The following SIPA1L3 variants were observed in gnomAD, a reference collection of about 807,000 sequenced individuals.
The protein encoded by SIPA1L3 is signal induced proliferation associated 1 like 3, also known as signal-induced proliferation-associated 1-like protein 3.
In SIPA1L3, 59 loss-of-function variants were observed where a neutral mutation model predicts 150.1. The observed-to-expected ratio is 0.39, with a 90% CI of 0.32 to 0.49. SIPA1L3 has a LOEUF of 0.49. Among genes scored for constraint, SIPA1L3 ranks in the 20% least tolerant of loss-of-function variants. SIPA1L3 has a pLI of 0.86. For synonymous variants in SIPA1L3, 1,070 were observed against 1,077.6 expected, an observed-to-expected ratio of 0.99 and a Z score of 0.14; for missense variants, 2,211 against 2,489.5, an observed-to-expected ratio of 0.89 and a Z score of 2.38.
At chr19:37,930,346 C>T (rs923392189) in intron 1 of SIPA1L3, among the ~76,000 whole-genome samples, 2 of 150,436 alleles carry the variant, frequency 1.3e-5, no homozygotes, top group Non-Finnish European at 3.0e-5. Context: ...TTCATAGAGA[C>T]GAGGTCTCAC....
intron 5 of SIPA1L3, among the ~76,000 whole-genome samples, chr19:38,100,622 G>A (rs539830159): frequency 1.5e-4 from 23 of 152,190 alleles, no homozygotes; most frequent in Non-Finnish European, 2.9e-4. Flanking sequence ...AGGGGGATCC[G>A]GGATACCTAA....
chr19:38,179,240 G>A (rs975984284), intron 15 of SIPA1L3, among the ~76,000 whole-genome samples: 4 of 152,170 alleles, frequency 2.6e-5, no homozygotes, highest in South Asian at 2.1e-4. Flanking sequence ...TCAGGAGTTC[G>A]AGACCAGCCT....
intron 1 of SIPA1L3, among the ~76,000 whole-genome samples, chr19:38,004,064 C>T (rs1967877300): frequency 6.6e-6 from 1 of 152,328 alleles, no homozygotes. Context: ...GACTTTTCAG[C>T]TACCCTTCAG....
Position 38,164,831 on chromosome 19 carries a change from C to A in SIPA1L3, c.4133C>A (p.Pro1378Gln). The A allele has an allele frequency of 6.2e-7, 1 of 1,605,876 alleles. No individual in the cohort carries two copies. Among genetic ancestry groups the A allele is most frequent in the Non-Finnish European group, 8.5e-7 (1 of 1,175,176 alleles). Residue 1378 changes from proline to glutamine, a missense_variant, in exon 15 of 22, where the codon CCG becomes CAG. Pro to Gln is a moderately conservative substitution (Grantham distance 76). This residue lies in a region of SIPA1L3 where 806 missense variants were observed against 870.1 expected (regional missense o/e 0.93). Transcript: ENST00000222345. The surrounding 1 kb of genome is among the most constrained non-coding windows in gnomAD (Gnocchi z 4.1). Reference protein sequence around the residue: ...AVAGQSKGYRPKLYSSGSSTP... With the variant: ...AVAGQSKGYRQKLYSSGSSTP... ...GCCGGCCAAAGCAAGGGCTACCGAC[C>A]GAAGCTGTACTCCTCCGGCTCCAGC...
chr19:38,158,588 A>G (rs1972002508), intron 13 of SIPA1L3, among the ~76,000 whole-genome samples: 1 of 152,242 alleles, frequency 6.6e-6, no homozygotes, highest in Admixed American at 6.5e-5. Context: ...CCCTGGCTAC[A>G]GATTACTGTC....
intron 15 of SIPA1L3, among the ~76,000 whole-genome samples, chr19:38,176,445 G>A (rs920923042): frequency 2.0e-5 from 3 of 151,314 alleles, no homozygotes; most frequent in Admixed American, 1.3e-4. Flanking sequence ...CACCCAAGCT[G>A]GAATCCAATG....
intron 7 of SIPA1L3, among the ~76,000 whole-genome samples, chr19:38,108,155 T>C (rs968385236): frequency 5.3e-5 from 8 of 152,074 alleles, no homozygotes; most frequent in African/African-American, 1.9e-4. Flanking sequence ...ATCAGGGTCA[T>C]TGAGAAAGGT....
chr19:38,096,950 G>C (rs371581791), intron 4 of SIPA1L3, among the ~76,000 whole-genome samples: 12 of 152,202 alleles, frequency 7.9e-5, no homozygotes, highest in African/African-American at 2.2e-4. Flanking sequence ...AAGCAGTTCT[G>C]GTGCTCATCA....
intron 3 of SIPA1L3, among the ~76,000 whole-genome samples, chr19:38,085,479 CAAAA>C (rs1169340957): frequency 4.5e-5 from 3 of 66,118 alleles, no homozygotes; most frequent in Admixed American, 1.6e-4. Flanking sequence ...GACTCCGTCT[CAAAA>C]AAAAAAAAAA....
chr19:38,056,285 G>A (rs1464303818), intron 2 of SIPA1L3, among the ~76,000 whole-genome samples: 1 of 152,184 alleles, frequency 6.6e-6, no homozygotes, highest in Non-Finnish European at 1.5e-5. Context: ...CTGTACCCTC[G>A]GCAGGTCACG....
chr19:37,933,674 GCATGTGCAGATGCCTC>G (rs1334499002), intron 1 of SIPA1L3, among the ~76,000 whole-genome samples: 1 of 152,180 alleles, frequency 6.6e-6, no homozygotes, highest in Non-Finnish European at 1.5e-5. Flanking sequence ...GGGTGAGGCG[GCATGTGCAGATGCCTC>G]CCCCTGGTCA....
chr19:38,127,347 T>C (rs1041708191), intron 9 of SIPA1L3, among the ~76,000 whole-genome samples: 1 of 152,224 alleles, frequency 6.6e-6, no homozygotes, highest in African/African-American at 2.4e-5. Context: ...TATTTATTTC[T>C]AAAAGATACA....
Position 38,193,562 on chromosome 19 carries a change from G to T in SIPA1L3, c.4622G>T (p.Arg1541Leu). The T allele has an allele frequency of 6.6e-7, 1 of 1,519,364 alleles. No individual in the cohort carries two copies. The highest frequency in any genetic ancestry group is 8.7e-7 in the Non-Finnish European group (1 of 1,144,042). 94.1% of individuals were successfully genotyped at this position (1,519,364 alleles called of 1,614,324 possible). A position where few individuals can be genotyped will look rare whatever the true frequency, so the allele number is the denominator to read the frequency against. The change falls in exon 18 of 22, where the codon CGG becomes CTG. Residue 1541 changes from arginine (R) to leucine (L), a missense_variant. Physicochemically the swap from Arg to Leu is moderately radical, Grantham distance 102. This residue lies in a region of SIPA1L3 where 806 missense variants were observed against 870.1 expected (regional missense o/e 0.93). Transcript: ENST00000222345. ...CAGTCACCGCAGAAGGGCCTGCAGC[G>T]GACGCTGTCGGACGAGAGCCTGTGC... ...TGQSPQKGLQRTLSDESLCSG... is the reference protein window; with the variant it reads ...TGQSPQKGLQLTLSDESLCSG...
chr19:38,077,859 C>G (rs527853746), intron 2 of SIPA1L3, among the ~76,000 whole-genome samples: 4 of 151,552 alleles, frequency 2.6e-5, no homozygotes, highest in Non-Finnish European at 5.9e-5. Flanking sequence ...TTAGTAGAGA[C>G]GGGGTTTCAC....
chr19:38,054,342 C>T (rs1969269875), intron 2 of SIPA1L3, among the ~76,000 whole-genome samples: 1 of 152,106 alleles, frequency 6.6e-6, no homozygotes, highest in African/African-American at 2.4e-5. Context: ...AGTGGTGGCT[C>T]ATGCCTGTAA....
chr19:37,979,856 C>G (rs1470946009), intron 1 of SIPA1L3, among the ~76,000 whole-genome samples: 1 of 152,274 alleles, frequency 6.6e-6, no homozygotes, highest in African/African-American at 2.4e-5. Flanking sequence ...CAGAGCCCAG[C>G]TGCAAGCCGT....
rs1472179360 is a variant in SIPA1L3 at position 38,201,928 on chromosome 19, A to G, written c.5051A>G (p.His1684Arg). 1.3e-5 allele frequency: 21 copies of G among 1,613,808 alleles called. No individual in the cohort carries two copies. Among genetic ancestry groups the G allele is most frequent in the Non-Finnish European group, 1.8e-5 (21 of 1,179,938 alleles). ...PALSPDIPPA[H>R]SPVHSHLSLE... ...CTGAGCCCGGACATCCCGCCTGCAC[A>G]CAGTCCTGTCCACAGCCACCTGAGC... Residue 1684 changes from histidine (H) to arginine (R), a missense_variant, in exon 20 of 22, where the codon CAC (histidine) becomes CGC (arginine). Physicochemically the swap from His to Arg is conservative, Grantham distance 29. Coordinates refer to ENST00000222345, the MANE Select transcript of SIPA1L3 (RefSeq NM_015073.3).
chr19:37,998,995 A>ACACACACACACACC (rs1380028427), intron 1 of SIPA1L3, among the ~76,000 whole-genome samples: 1 of 151,384 alleles, frequency 6.6e-6, no homozygotes, highest in Non-Finnish European at 1.5e-5. Context: ...ACACACACAC[A>ACACACACACACACC]CACACACACA....
intron 1 of SIPA1L3, among the ~76,000 whole-genome samples, chr19:37,959,696 G>A (rs353423): frequency 0.29 from 43,366 of 151,836 alleles, 7,376 homozygotes; most frequent in East Asian, 0.62. Flanking sequence ...TGTCATTTTT[G>A]CTGTTTTCTG....
Sources: allele counts gnomAD v4.1 joint callset (sites outside exome capture counted in the v4.1 genomes callset), GRCh38; gene constraint gnomAD v4.1.1; regional missense constraint gnomAD v4.1.1; non-coding constraint Gnocchi (gnomAD v3.1); transcripts MANE v1.5; gene names NCBI Gene and HGNC (gene_info 2026-07-23, HGNC 2026-07-21).